SGPP1: variants seen among roughly 807,000 people sequenced by gnomAD.
The protein encoded by SGPP1 is sphingosine-1-phosphate phosphatase 1, also known as hSPP1.
SGPP1 carries 21 observed loss-of-function variants against 33.0 expected under a neutral mutation model. The ratio of observed to expected loss-of-function variants is 0.64; its 90% CI spans 0.45 to 0.92. SGPP1 has a LOEUF of 0.92. Ranked by LOEUF, SGPP1 falls within the 40% of genes least tolerant of loss-of-function variation. The probability of loss-of-function intolerance (pLI) is 0.00; values close to 1 mark genes in which losing one functional copy is unlikely to be tolerated. For missense variants in SGPP1, 543 were observed against 589.4 expected (o/e 0.92, Z 0.81); for synonymous variants, 239 against 241.2 (o/e 0.99, Z 0.08).
intron 1 of SGPP1, among the ~76,000 whole-genome samples, chr14:63,726,908 A>G (rs1028303557): frequency 2.0e-5 from 3 of 152,224 alleles, no homozygotes; most frequent in African/African-American, 2.4e-5. Context: ...TAGTTTACAT[A>G]GCGATTATTT....
intron 1 of SGPP1, among the ~76,000 whole-genome samples, chr14:63,723,713 C>T (rs1436090412): frequency 2.0e-5 from 3 of 146,566 alleles, no homozygotes; most frequent in East Asian, 3.9e-4. Flanking sequence ...AGAGAGATTT[C>T]GTCTCAAAAA....
chr14:63,711,257 C>G (rs993812516), intron 1 of SGPP1, among the ~76,000 whole-genome samples: 1 of 152,012 alleles, frequency 6.6e-6, no homozygotes, highest in African/African-American at 2.4e-5. Context: ...TCAGGTGATC[C>G]GCCCACCTCG....
intron 1 of SGPP1, 57 bp from the exon 2 acceptor site, chr14:63,698,715 CAAATA>C (rs1251476409): frequency 1.0e-6 from 1 of 967,662 alleles, no homozygotes; most frequent in African/African-American, 1.7e-5. Flanking sequence ...TATAAACAAA[CAAATA>C]AAAGACAAAT....
chr14:63,719,672 C>T (rs1477478974), intron 1 of SGPP1, among the ~76,000 whole-genome samples: 1 of 151,754 alleles, frequency 6.6e-6, no homozygotes, highest in Non-Finnish European at 1.5e-5. Context: ...GAACAGCATG[C>T]AAATGTGAAA....
chr14:63,701,580 A>C (rs560893821), intron 1 of SGPP1, among the ~76,000 whole-genome samples: 1 of 152,242 alleles, frequency 6.6e-6, no homozygotes, highest in East Asian at 1.9e-4. Flanking sequence ...ATCACCAAGT[A>C]TGACTGGCAA....
intron 1 of SGPP1, among the ~76,000 whole-genome samples, chr14:63,700,549 A>G (rs769469537): frequency 2.6e-5 from 4 of 152,204 alleles, no homozygotes; most frequent in African/African-American, 4.8e-5. Flanking sequence ...TTCTGGGAGT[A>G]TAAGTTCCTA....
At position 63,684,780 on chromosome 14, in the gene SGPP1, A is replaced by T. The variant is rs2139620704; in HGVS notation, c.*1325T>A. On this transcript the variant is annotated 3_prime_UTR_variant, in exon 3 of 3. Transcript: ENST00000247225. ...CACACTTCAAAATATAAAGGTAGACAGAAAAAAGAATAGTTTAATACTATA... is the reference window on the plus strand; with the variant it reads ...CACACTTCAAAATATAAAGGTAGACTGAAAAAAGAATAGTTTAATACTATA... The T allele has an allele frequency of 6.6e-6, 1 of 152,620 alleles. No individual in the cohort carries two copies. Among genetic ancestry groups the T allele is most frequent in the East Asian group, 1.9e-4 (1 of 5,190 alleles). The allele number at this position is 152,620 out of a possible 1,614,324, so 9.5% of individuals were successfully genotyped here.
chr14:63,713,820 GAT>G (rs1422847842), intron 1 of SGPP1, among the ~76,000 whole-genome samples: 3 of 152,196 alleles, frequency 2.0e-5, no homozygotes, highest in African/African-American at 7.2e-5. Flanking sequence ...AGCTTGACTG[GAT>G]TAAGAAATAC....
intron 2 of SGPP1, among the ~76,000 whole-genome samples, chr14:63,693,315 T>TAC (rs1885123598): frequency 6.6e-6 from 1 of 152,222 alleles, no homozygotes; most frequent in South Asian, 2.1e-4. Context: ...ATCTTACCCT[T>TAC]ACTTCCCTAC....
intron 2 of SGPP1, among the ~76,000 whole-genome samples, chr14:63,687,993 C>T (rs1030217498): frequency 2.0e-5 from 3 of 152,234 alleles, no homozygotes; most frequent in Middle Eastern, 3.4e-3. Context: ...TGTGTGGTGG[C>T]ACACACCGAT....
chr14:63,687,514 C>T (rs984690970), intron 2 of SGPP1, among the ~76,000 whole-genome samples: 18 of 152,038 alleles, frequency 1.2e-4, no homozygotes. Flanking sequence ...AACAGGACAA[C>T]AGAATAGTAT....
At chr14:63,715,437 G>A (rs749194838) in intron 1 of SGPP1, among the ~76,000 whole-genome samples, 3 of 152,086 alleles carry the variant, frequency 2.0e-5, no homozygotes, top group Non-Finnish European at 2.9e-5. Context: ...TGTTTAAAGT[G>A]ACTTATGAAG....
intron 2 of SGPP1, among the ~76,000 whole-genome samples, chr14:63,697,832 C>T (rs1479390161): frequency 2.6e-5 from 4 of 152,154 alleles, no homozygotes; most frequent in African/African-American, 9.7e-5. Flanking sequence ...TTGGAGGAAA[C>T]CTAATAATTC....
At chr14:63,696,242 T>C (rs1216284510) in intron 2 of SGPP1, among the ~76,000 whole-genome samples, 1 of 152,218 alleles carries the variant, frequency 6.6e-6, no homozygotes, top group Non-Finnish European at 1.5e-5. Context: ...GCCTCTGCAC[T>C]TCAGCCTGGG....
chr14:63,725,622 G>A (rs1203476121), intron 1 of SGPP1, among the ~76,000 whole-genome samples: 1 of 152,046 alleles, frequency 6.6e-6, no homozygotes, highest in African/African-American at 2.4e-5. Context: ...CTAAATCTAA[G>A]CTTATTCTGA....
chr14:63,697,492 A>G (rs1330248783), intron 2 of SGPP1, among the ~76,000 whole-genome samples: 1 of 152,240 alleles, frequency 6.6e-6, no homozygotes, highest in African/African-American at 2.4e-5. Flanking sequence ...ATGATAATAC[A>G]TAATTCATTC....
chr14:63,708,278 T>TGGA, intron 1 of SGPP1, among the ~76,000 whole-genome samples: 1 of 133,974 alleles, frequency 7.5e-6, no homozygotes, highest in East Asian at 2.1e-4. Flanking sequence ...TTTTTTGAGA[T>TGGA]GGAGTTTCCC....
chr14:63,687,363 C>T (rs527835452), intron 2 of SGPP1, among the ~76,000 whole-genome samples: 3 of 152,234 alleles, frequency 2.0e-5, no homozygotes, highest in Non-Finnish European at 4.4e-5. Context: ...TCGCTTGAAC[C>T]CAGGAAGTGG....
At chr14:63,692,618 A>ATTTTGTATTT (rs1347316019) in intron 2 of SGPP1, among the ~76,000 whole-genome samples, 1 of 151,578 alleles carries the variant, frequency 6.6e-6, no homozygotes, top group African/African-American at 2.4e-5. Flanking sequence ...CCTGGCTAAT[A>ATTTTGTATTT]TTTTGTATTT....
Sources: allele counts gnomAD v4.1 joint callset (sites outside exome capture counted in the v4.1 genomes callset), GRCh38; gene constraint gnomAD v4.1.1; transcripts MANE v1.5; gene names NCBI Gene and HGNC (gene_info 2026-07-23, HGNC 2026-07-21).